The following EHBP1 variants were observed in gnomAD, a reference collection of about 807,000 sequenced individuals.
The protein encoded by EHBP1 is EH domain binding protein 1, also known as EH domain-binding protein 1.
Under a neutral mutation model 144.0 loss-of-function variants are expected in EHBP1, and 55 were observed. The observed-to-expected ratio is 0.38, with a 90% CI of 0.31 to 0.48. The LOEUF (loss-of-function observed/expected upper bound fraction) is 0.48, where lower values mean the gene tolerates loss of function less well. Ranked by LOEUF, EHBP1 falls within the 20% of genes least tolerant of loss-of-function variation. EHBP1 has a pLI of 0.98. For missense variants in EHBP1, 1,200 were observed against 1,364.2 expected (o/e 0.88, Z 1.90); for synonymous variants, 469 against 472.7 (o/e 0.99, Z 0.10).
At chr2:62,794,663 TA>T (rs760644368) in intron 5 of EHBP1, among the ~76,000 whole-genome samples, 1 of 152,026 alleles carries the variant, frequency 6.6e-6, no homozygotes. Context: ...TTAGATAAAA[TA>T]ATCATGTTTG....
intron 1 of EHBP1, among the ~76,000 whole-genome samples, chr2:62,676,978 C>T (rs918721254): frequency 6.6e-6 from 1 of 152,160 alleles, no homozygotes; most frequent in Non-Finnish European, 1.5e-5. Context: ...ACCTGGGCAG[C>T]ATAGTGAAAC....
intron 3 of EHBP1, among the ~76,000 whole-genome samples, chr2:62,754,086 C>CA (rs2040027222): frequency 6.6e-6 from 1 of 152,156 alleles, no homozygotes; most frequent in South Asian, 2.1e-4. Flanking sequence ...TTAGAATTTT[C>CA]AGCTCTTCTG....
chr2:62,846,666 TCTA>T (rs1200307646), intron 7 of EHBP1, among the ~76,000 whole-genome samples: 5 of 152,078 alleles, frequency 3.3e-5, no homozygotes. Flanking sequence ...TATAGAAAAA[TCTA>T]CTGTATTTTT....
intron 2 of EHBP1, among the ~76,000 whole-genome samples, chr2:62,739,370 T>C (rs926429284): frequency 6.6e-6 from 1 of 151,790 alleles, no homozygotes; most frequent in African/African-American, 2.4e-5. Context: ...GACTGAGGAA[T>C]GGTCAGATTG....
intron 10 of EHBP1, among the ~76,000 whole-genome samples, chr2:62,932,672 G>C (rs761490197): frequency 6.6e-6 from 1 of 152,080 alleles, no homozygotes; most frequent in Non-Finnish European, 1.5e-5. Flanking sequence ...AATGGTTAAG[G>C]GCTGGGCATG....
intron 19 of EHBP1, 36 bp from the exon 20 acceptor site, chr2:63,037,499 A>G (rs929167136): frequency 1.4e-6 from 2 of 1,441,184 alleles, no homozygotes; most frequent in African/African-American, 1.4e-5. Flanking sequence ...TTGTTTTAAC[A>G]TCGTATAGTA....
intron 1 of EHBP1, among the ~76,000 whole-genome samples, chr2:62,678,632 T>A (rs2033400415): frequency 6.6e-6 from 1 of 152,142 alleles, no homozygotes; most frequent in Non-Finnish European, 1.5e-5. Context: ...AACTCATTTT[T>A]TTTCAGGATC....
chr2:62,766,083 A>G (rs2041162545), intron 4 of EHBP1, among the ~76,000 whole-genome samples: 1 of 152,186 alleles, frequency 6.6e-6, no homozygotes, highest in African/African-American at 2.4e-5. Context: ...TTTACTCATA[A>G]AAATAGTTGC....
At chr2:62,681,917 A>G (rs1475428849) in intron 1 of EHBP1, among the ~76,000 whole-genome samples, 3 of 152,220 alleles carry the variant, frequency 2.0e-5, no homozygotes, top group Admixed American at 6.5e-5. Flanking sequence ...GATTAGATAG[A>G]TACTCTGTTC....
intron 19 of EHBP1, among the ~76,000 whole-genome samples, chr2:63,037,307 A>G (rs1437315815): frequency 6.6e-6 from 1 of 152,022 alleles, no homozygotes; most frequent in Non-Finnish European, 1.5e-5. Context: ...TAGTGTTAAT[A>G]TGATCTATCG....
chr2:62,750,235 T>C (rs912055305), intron 3 of EHBP1, among the ~76,000 whole-genome samples: 1 of 152,244 alleles, frequency 6.6e-6, no homozygotes, highest in Non-Finnish European at 1.5e-5. Context: ...AATTATTAAA[T>C]AGGGAGTCCT....
chr2:62,951,877 G>A (rs1040231296), intron 13 of EHBP1, among the ~76,000 whole-genome samples: 1 of 152,042 alleles, frequency 6.6e-6, no homozygotes, highest in African/African-American at 2.4e-5. Flanking sequence ...GTTAAAACTA[G>A]GAATTGATTG....
At position 62,707,222 on chromosome 2, in the gene EHBP1, G is replaced by A; in HGVS notation, c.31G>A (p.Val11Met). Residue 11 changes from valine to methionine, a missense_variant, in exon 2 of 23, where the codon GTG becomes ATG. Around this residue, in one of 6 missense-constraint regions of EHBP1, gnomAD observed 137 missense variants for 190.1 expected, o/e 0.72. Coordinates refer to ENST00000431489, the MANE Select transcript of EHBP1 (RefSeq NM_001142616.3). ...TTCAGTTTGGAAGAGACTGCAGCGTGTGGGAAAACATGCATCCAAGTTCCA... is the reference window on the plus strand; with the variant it reads ...TTCAGTTTGGAAGAGACTGCAGCGTATGGGAAAACATGCATCCAAGTTCCA... MASVWKRLQR[V>M]GKHASKFQFV... 1 of 1,614,222 alleles carries A rather than the reference G, an allele frequency of 6.2e-7. No homozygotes were observed. The highest frequency in any genetic ancestry group is 8.5e-7 in the Non-Finnish European group (1 of 1,180,018).
At chr2:62,996,513 T>G (rs2059632380) in intron 18 of EHBP1, 130 bp from the exon 19 acceptor site, 14 of 1,123,064 alleles carry the variant, frequency 1.2e-5, no homozygotes, top group Non-Finnish European at 1.6e-5. Context: ...GAGAGTTGCT[T>G]TTTGGTACTA....
intron 10 of EHBP1, among the ~76,000 whole-genome samples, chr2:62,882,704 G>A (rs540564700): frequency 3.3e-4 from 50 of 152,168 alleles, no homozygotes; most frequent in Admixed American, 1.3e-3. Context: ...CCAACATGGA[G>A]AAACCTCGTC....
rs778883374 is a variant in EHBP1, at chr2:62,864,930, C to T, written c.957C>T (p.Leu319=). Residue 319 remains leucine, a synonymous_variant, in exon 9 of 23, where the codon CTC becomes CTT. Coordinates refer to ENST00000431489, the MANE Select transcript of EHBP1 (RefSeq NM_001142616.3). The stretch of plus-strand genomic sequence containing the variant: ...GACCTGTGGATATGAGCAAGTACCT[C>T]TATGCTGATAGTTCTAAAACTGAAG... The part of the protein sequence containing the change: ...NIRPVDMSKY[L]YADSSKTEEE... The T allele has an allele frequency of 6.2e-6, 10 of 1,613,684 alleles. No homozygotes were observed. Among genetic ancestry groups the T allele is most frequent in the Middle Eastern group, 1.7e-4 (1 of 6,058 alleles).
chr2:62,857,586 C>T (rs2049158465), intron 7 of EHBP1, among the ~76,000 whole-genome samples: 1 of 152,094 alleles, frequency 6.6e-6, no homozygotes, highest in African/African-American at 2.4e-5. Context: ...GATCTATTTG[C>T]TGTATCGTTA....
Position 62,942,835 on chromosome 2 carries a change from A to G in EHBP1, c.1303A>G (p.Thr435Ala), listed in dbSNP as rs1032040422. Residue 435 changes from threonine to alanine, a missense_variant, in exon 11 of 23, where the codon ACA becomes GCA. By Grantham distance (58) the Thr-to-Ala change is moderately conservative. Coordinates refer to ENST00000431489, the MANE Select transcript of EHBP1 (RefSeq NM_001142616.3). ...YRGVKITNFT[T>A]SWRNGLSFCA... is the part of the protein sequence containing the mutation. ...AGGAGTAAAAATCACCAATTTTACTACATCGTGGAGAAATGGTTTATCTTT... is the reference window on the plus strand; with the variant it reads ...AGGAGTAAAAATCACCAATTTTACTGCATCGTGGAGAAATGGTTTATCTTT... 8 of 1,613,868 alleles carry G rather than the reference A, an allele frequency of 5.0e-6. No homozygotes were observed. Among genetic ancestry groups the G allele is most frequent in the Non-Finnish European group, 6.8e-6 (8 of 1,179,774 alleles).
intron 10 of EHBP1, among the ~76,000 whole-genome samples, chr2:62,892,686 C>G (rs1418758743): frequency 1.3e-5 from 2 of 152,018 alleles, no homozygotes; most frequent in Non-Finnish European, 2.9e-5. Context: ...GCTATTCTCA[C>G]AAATTTATAA....
Sources: allele counts gnomAD v4.1 joint callset (sites outside exome capture counted in the v4.1 genomes callset), GRCh38; gene constraint gnomAD v4.1.1; regional missense constraint gnomAD v4.1.1; transcripts MANE v1.5; gene names NCBI Gene and HGNC (gene_info 2026-07-23, HGNC 2026-07-21).